CNTNAP5: variants seen among roughly 807,000 people sequenced by gnomAD.
CNTNAP5 encodes the protein contactin associated protein family member 5, also known as contactin-associated protein-like 5.
A neutral mutation model predicts 150.2 loss-of-function variants in CNTNAP5; 72 were observed. The ratio of observed to expected loss-of-function variants is 0.48; its 90% CI spans 0.40 to 0.58. The LOEUF is 0.58. Among genes scored for constraint, CNTNAP5 ranks in the 20% least tolerant of loss-of-function variants. The probability of loss-of-function intolerance (pLI) is 0.00; values close to 1 mark genes in which losing one functional copy is unlikely to be tolerated. For synonymous variants in CNTNAP5, 672 were observed against 619.8 expected (o/e 1.08, Z -1.25); for missense variants, 1,636 against 1,626.2 (o/e 1.01, Z -0.10).
chr2:124,775,845 A>G (rs1016395063), intron 17 of CNTNAP5, among the ~76,000 whole-genome samples: 2 of 152,102 alleles, frequency 1.3e-5, no homozygotes, highest in African/African-American at 4.8e-5. Flanking sequence ...GCTCAATAGT[A>G]CCGCCCCTTC....
At chr2:124,088,561 C>A (rs1682747386) in intron 1 of CNTNAP5, among the ~76,000 whole-genome samples, 1 of 148,450 alleles carries the variant, frequency 6.7e-6, no homozygotes, top group South Asian at 2.1e-4. Flanking sequence ...TTTATTTAAA[C>A]CTTCTGTTTT....
intron 19 of CNTNAP5, among the ~76,000 whole-genome samples, chr2:124,822,608 A>G (rs180794758): frequency 1.2e-4 from 18 of 152,332 alleles, no homozygotes; most frequent in African/African-American, 4.3e-4. Context: ...AAAGTAAAAA[A>G]ACAAGGCTGC....
At chr2:124,328,050 G>A (rs1689263838) in intron 3 of CNTNAP5, among the ~76,000 whole-genome samples, 1 of 151,860 alleles carries the variant, frequency 6.6e-6, no homozygotes, top group African/African-American at 2.4e-5. Context: ...TTTCTGAAAA[G>A]AATGTTTTAA....
At chr2:124,267,224 G>A (rs570725200) in intron 3 of CNTNAP5, among the ~76,000 whole-genome samples, 4 of 152,296 alleles carry the variant, frequency 2.6e-5, no homozygotes, top group Non-Finnish European at 4.4e-5. Flanking sequence ...TTTTCTAACA[G>A]GATGTGAAAA....
intron 1 of CNTNAP5, among the ~76,000 whole-genome samples, chr2:124,216,343 ACTT>A (rs1480878018): frequency 1.3e-5 from 2 of 151,934 alleles, no homozygotes; most frequent in Admixed American, 6.6e-5. Context: ...TTAAAAATAG[ACTT>A]TTATTGCATC....
At chr2:124,567,925 T>C (rs532523620) in intron 11 of CNTNAP5, among the ~76,000 whole-genome samples, 1 of 150,960 alleles carries the variant, frequency 6.6e-6, no homozygotes, top group South Asian at 2.1e-4. Flanking sequence ...TAAAGGGATA[T>C]GCATAGTGTT....
Position 124,868,793 on chromosome 2 carries a change from T to C in CNTNAP5, c.3349-882T>C, listed in dbSNP as rs187238535. On this transcript the variant is annotated intron_variant, in intron 20 of 23. Transcript: ENST00000682447. ...TGGATTGCACTCAAGCTGTGCAAAG[T>C]CAGGCACATGGCTAATGGGATCTTA... 9.8e-4 allele frequency among the ~76,000 whole-genome samples: 149 copies of C among 152,200 alleles called. 1 individual carries two copies. Among genetic ancestry groups the C allele is most frequent in the African/African-American group, 3.3e-3 (136 of 41,530 alleles).
rs1252458810 is a variant in CNTNAP5 at position 124,919,898 on chromosome 2, A to G, written c.*5610A>G. Among the ~76,000 whole-genome samples the G allele has an allele frequency of 6.6e-6, 1 of 152,006 alleles. No individual in the cohort carries two copies. The highest frequency in any genetic ancestry group is 2.4e-5 in the African/African-American group (1 of 41,410). ...GAAAACTGCCCTAGGTCTATTATCA[A>G]TCAGAGCCCCTGTGAGTGGAAGTCC... On this transcript the variant is annotated 3_prime_UTR_variant, in exon 24 of 24. Transcript: ENST00000682447.
At chr2:124,590,964 G>T (rs1179277035) in intron 11 of CNTNAP5, among the ~76,000 whole-genome samples, 1 of 152,128 alleles carries the variant, frequency 6.6e-6, no homozygotes, top group Non-Finnish European at 1.5e-5. Context: ...CAATAAATTA[G>T]CTGCCAGAAC....
chr2:124,621,826 A>C (rs1573502847), intron 12 of CNTNAP5, among the ~76,000 whole-genome samples: 1 of 152,188 alleles, frequency 6.6e-6, no homozygotes, highest in East Asian at 1.9e-4. Context: ...GGATGTTGTT[A>C]ATTTTGCCAG....
chr2:124,128,531 T>C (rs866803101), intron 1 of CNTNAP5, among the ~76,000 whole-genome samples: 48 of 152,178 alleles, frequency 3.2e-4, no homozygotes, highest in African/African-American at 1.1e-3. Flanking sequence ...GAACTAGAAA[T>C]ACCATTTGAC....
In CNTNAP5 at chr2:124,468,676, G is replaced by A. The variant is rs182863634; in HGVS notation, c.919-6063G>A. On this transcript the variant is annotated intron_variant, in intron 6 of 23. Coordinates refer to ENST00000682447, the MANE Select transcript of CNTNAP5 (RefSeq NM_001367498.1). ...AAGTTGGCACTTAATACTAACCATC[G>A]CACTTGGCCTAAGGGAGTGAGATGT... 1.0e-3 allele frequency among the ~76,000 whole-genome samples: 157 copies of A among 152,202 alleles called. 1 individual carries two copies. Among genetic ancestry groups the A allele is most frequent in the African/African-American group, 3.3e-3 (138 of 41,540 alleles).
At chr2:124,418,656 G>A (rs191468159) in intron 4 of CNTNAP5, among the ~76,000 whole-genome samples, 4 of 152,266 alleles carry the variant, frequency 2.6e-5, no homozygotes, top group Non-Finnish European at 4.4e-5. Flanking sequence ...GAAAGAATAT[G>A]GTTTAGAACA....
chr2:124,386,591 A>C (rs1285334566), intron 3 of CNTNAP5, among the ~76,000 whole-genome samples: 1 of 152,240 alleles, frequency 6.6e-6, no homozygotes, highest in Admixed American at 6.5e-5. Context: ...GTACAAAAGA[A>C]GTTGCAGCCT....
At chr2:124,126,737 A>C (rs567178370) in intron 1 of CNTNAP5, among the ~76,000 whole-genome samples, 74 of 152,314 alleles carry the variant, frequency 4.9e-4, no homozygotes, top group African/African-American at 1.4e-3. Context: ...CATCCCTGGG[A>C]TACAACGCTG....
chr2:124,777,251 GTT>G (rs1681344936), intron 17 of CNTNAP5, among the ~76,000 whole-genome samples: 1 of 152,008 alleles, frequency 6.6e-6, no homozygotes, highest in Non-Finnish European at 1.5e-5. Context: ...CATTGGTTCT[GTT>G]TTTATATTCA....
rs1362292506 is a variant in CNTNAP5, at chr2:124,920,920, C to T, written c.*6632C>T. On this transcript the variant is annotated 3_prime_UTR_variant, in exon 24 of 24. Coordinates refer to ENST00000682447, the MANE Select transcript of CNTNAP5 (RefSeq NM_001367498.1). Reference sequence around the variant, plus strand: ...CCCACAAAAATACACATATGTCAGACTCTTTATTATGGTAAAAGCACAAAA... The same window carrying T: ...CCCACAAAAATACACATATGTCAGATTCTTTATTATGGTAAAAGCACAAAA... 1.3e-5 allele frequency among the ~76,000 whole-genome samples: 2 copies of T among 152,056 alleles called. No individual in the cohort carries two copies. Among genetic ancestry groups the T allele is most frequent in the Non-Finnish European group, 2.9e-5 (2 of 67,996 alleles).
At chr2:124,888,670 G>C (rs912549627) in intron 21 of CNTNAP5, among the ~76,000 whole-genome samples, 2 of 152,030 alleles carry the variant, frequency 1.3e-5, no homozygotes, top group African/African-American at 4.8e-5. Context: ...TCTCATTGTG[G>C]TTTTGATTTG....
chr2:124,473,101 G>T (rs1693556434), intron 6 of CNTNAP5, among the ~76,000 whole-genome samples: 1 of 151,848 alleles, frequency 6.6e-6, no homozygotes. Flanking sequence ...AATGTTTAAT[G>T]AATTAAAACA....
Sources: allele counts gnomAD v4.1 joint callset (sites outside exome capture counted in the v4.1 genomes callset), GRCh38; gene constraint gnomAD v4.1.1; transcripts MANE v1.5; gene names NCBI Gene and HGNC (gene_info 2026-07-23, HGNC 2026-07-21).